The following LIMS1 variants were observed in gnomAD, a reference collection of about 807,000 sequenced individuals.
The protein encoded by LIMS1 is LIM zinc finger domain containing 1.
Under a neutral mutation model 44.1 loss-of-function variants are expected in LIMS1, and 18 were observed. The ratio of observed to expected loss-of-function variants is 0.41; its 90% CI spans 0.28 to 0.61. The LOEUF is 0.61. Among genes scored for constraint, LIMS1 ranks in the 20% least tolerant of loss-of-function variants. LIMS1 has a pLI of 0.32. For missense variants in LIMS1, 201 were observed against 422.0 expected (o/e 0.48, Z 4.59); for synonymous variants, 93 against 149.1 (o/e 0.62, Z 2.74).
At chr2:108,669,227 G>A (rs1434920862) in intron 2 of LIMS1, among the ~76,000 whole-genome samples, 1 of 151,968 alleles carries the variant, frequency 6.6e-6, no homozygotes, top group Non-Finnish European at 1.5e-5. Flanking sequence ...GGCCAACATG[G>A]TGAAACCCCA....
At chr2:108,680,444 G>A (rs1692894359) in intron 8 of LIMS1, among the ~76,000 whole-genome samples, 1 of 151,238 alleles carries the variant, frequency 6.6e-6, no homozygotes. Flanking sequence ...GGCTGAGGTG[G>A]GAGGATCACT....
At chr2:108,642,062 A>G (rs1689703979) in intron 1 of LIMS1, among the ~76,000 whole-genome samples, 1 of 152,176 alleles carries the variant, frequency 6.6e-6, no homozygotes, top group South Asian at 2.1e-4. Flanking sequence ...CAAATACCCC[A>G]TTATGACCTG....
At chr2:108,542,562 G>A (rs991058847) in intron 1 of LIMS1, among the ~76,000 whole-genome samples, 4 of 152,130 alleles carry the variant, frequency 2.6e-5, no homozygotes, top group African/African-American at 7.2e-5. Context: ...GTCACAGCTC[G>A]CTAATTGTTT....
chr2:108,534,608 C>G lies in LIMS1; in HGVS notation c.32+14C>G, dbSNP rs1428920424. On this transcript the variant is annotated intron_variant, in intron 1 of 9. Transcript: ENST00000544547. ...GATGACCCACAGGTACGGGCCGCACCGCGCGGCCCCCGCCACGTCCGCCCC... is the reference window on the plus strand; with the variant it reads ...GATGACCCACAGGTACGGGCCGCACGGCGCGGCCCCCGCCACGTCCGCCCC... 6 of 1,127,242 alleles carry G rather than the reference C, an allele frequency of 5.3e-6. No homozygotes were observed. In the African/African-American group the frequency reaches 6.7e-5, roughly 12 times the overall value. The allele number at this position is 1,127,242 out of a possible 1,614,324, so 69.8% of individuals were successfully genotyped here.
chr2:108,595,580 T>G (rs1168149329), intron 1 of LIMS1, among the ~76,000 whole-genome samples: 2 of 152,246 alleles, frequency 1.3e-5, no homozygotes, highest in Non-Finnish European at 2.9e-5. Flanking sequence ...TTTGTCCCAC[T>G]TAACTATTTT....
chr2:108,676,138 C>A, intron 6 of LIMS1, 110 bp downstream of exon 6: 2 of 1,344,162 alleles, frequency 1.5e-6, no homozygotes, highest in Non-Finnish European at 2.0e-6. Context: ...ACTTTCAAAT[C>A]TTCATGATTC....
At chr2:108,641,702 C>G (rs1689678864) in intron 1 of LIMS1, among the ~76,000 whole-genome samples, 1 of 152,070 alleles carries the variant, frequency 6.6e-6, no homozygotes, top group African/African-American at 2.4e-5. Context: ...TTATCACTGT[C>G]TTGCTTCTGT....
In LIMS1 at chr2:108,591,316, G is replaced by A. The variant is rs1686378951; in HGVS notation, c.32+56722G>A. ...GATGTGTGAACATCCTGTAGCAAAG[G>A]ACTGAGCAAATGATGCGGTGGGGCC... On this transcript the variant is annotated intron_variant, in intron 1 of 9. Transcript: ENST00000544547. 2.6e-5 allele frequency among the ~76,000 whole-genome samples: 4 copies of A among 152,148 alleles called. No homozygotes were observed. The South Asian group carries it at 8.3e-4, about 31-fold the overall frequency.
chr2:108,547,676 C>G lies in LIMS1; in HGVS notation c.32+13082C>G, dbSNP rs554124490. Among the ~76,000 whole-genome samples, 3 of 152,258 alleles carry G rather than the reference C, an allele frequency of 2.0e-5. No homozygotes were observed. The East Asian group carries it at 5.8e-4, about 29-fold the overall frequency. On this transcript the variant is annotated intron_variant, in intron 1 of 9. Coordinates refer to ENST00000544547, the Ensembl canonical transcript of LIMS1. Reference sequence around the variant, plus strand: ...GTTATTCTAATGGGAAGTTTCAGAACAAAACAATTATTCATTCTCCACTTT... The same window carrying G: ...GTTATTCTAATGGGAAGTTTCAGAAGAAAACAATTATTCATTCTCCACTTT...
At chr2:108,620,101 C>T (rs893812387) in intron 1 of LIMS1, among the ~76,000 whole-genome samples, 73 of 152,132 alleles carry the variant, frequency 4.8e-4, no homozygotes, top group African/African-American at 1.7e-3. Flanking sequence ...GTGGACCTAG[C>T]GTAACAAATG....
intron 1 of LIMS1, among the ~76,000 whole-genome samples, chr2:108,561,620 C>T (rs55826521): frequency 9.2e-5 from 14 of 152,240 alleles, no homozygotes; most frequent in African/African-American, 2.9e-4. Flanking sequence ...CTGTTGGTGC[C>T]ATTTTTCCAA....
At chr2:108,534,646 G>C in intron 1 of LIMS1, 52 bp downstream of exon 1, 1 of 1,019,440 alleles carries the variant, frequency 9.8e-7, no homozygotes, top group Non-Finnish European at 1.2e-6. Flanking sequence ...AGCTCCCGGC[G>C]GGCCTTCGGG....
At chr2:108,616,881 T>C (rs1325783068) in intron 1 of LIMS1, among the ~76,000 whole-genome samples, 1 of 152,198 alleles carries the variant, frequency 6.6e-6, no homozygotes, top group Non-Finnish European at 1.5e-5. Flanking sequence ...GCCAGATGAA[T>C]GTGTGTTGGA....
At chr2:108,553,850 T>G (rs1469966) in intron 1 of LIMS1, among the ~76,000 whole-genome samples, 91,256 of 151,986 alleles carry the variant, frequency 0.6, 28,089 homozygotes, top group East Asian at 0.96. Flanking sequence ...AATTACAGAG[T>G]TCTCTGGTGT....
At position 108,572,154 on chromosome 2, in the gene LIMS1, T is replaced by A. The variant is rs557930789; in HGVS notation, c.32+37560T>A. Among the ~76,000 whole-genome samples the A allele has an allele frequency of 4.6e-5, 7 of 152,262 alleles. No homozygotes were observed. The East Asian group carries it at 5.8e-4, about 13-fold the overall frequency. On this transcript the variant is annotated intron_variant, in intron 1 of 9. Coordinates refer to ENST00000544547, the Ensembl canonical transcript of LIMS1. ...ATTTGAGGGACTGGGCTTTTTTTTT[T>A]ATCATGGAATTTATATCCTAATCCT...
chr2:108,575,145 T>C (rs1219124088), intron 1 of LIMS1, among the ~76,000 whole-genome samples: 1 of 152,214 alleles, frequency 6.6e-6, no homozygotes. Context: ...TTCTCAATCT[T>C]ACAAATAACT....
At chr2:108,593,897 A>G (rs927488138) in intron 1 of LIMS1, among the ~76,000 whole-genome samples, 1 of 152,258 alleles carries the variant, frequency 6.6e-6, no homozygotes, top group Non-Finnish European at 1.5e-5. Flanking sequence ...GGACCATTGT[A>G]GAATCCTTCA....
At chr2:108,611,308 G>A (rs1192408986) in intron 1 of LIMS1, among the ~76,000 whole-genome samples, 1 of 152,142 alleles carries the variant, frequency 6.6e-6, no homozygotes, top group Admixed American at 6.5e-5. Flanking sequence ...ACAGTTCTGG[G>A]CGCATAAGAA....
intron 1 of LIMS1, among the ~76,000 whole-genome samples, chr2:108,582,079 T>TA (rs1171503759): frequency 6.6e-6 from 1 of 152,264 alleles, no homozygotes; most frequent in Non-Finnish European, 1.5e-5. Context: ...TACAGTGCTT[T>TA]AGTTTTACTA....
Sources: gnomAD v4.1 joint callset for allele counts (sites outside exome capture counted in the v4.1 genomes callset) on GRCh38, gnomAD v4.1.1 for gene constraint, MANE v1.5 for transcripts, NCBI Gene and HGNC (gene_info 2026-07-23, HGNC 2026-07-21) for gene names.